SLC2A13: variants seen among roughly 807,000 people sequenced by gnomAD.
SLC2A13 encodes the protein solute carrier family 2 member 13.
Under a neutral mutation model 64.4 loss-of-function variants are expected in SLC2A13, and 32 were observed. The observed-to-expected ratio is 0.50, with a 90% CI of 0.37 to 0.67. The LOEUF (loss-of-function observed/expected upper bound fraction) is 0.67, where lower values mean the gene tolerates loss of function less well. Ranked by LOEUF, SLC2A13 falls within the 30% of genes least tolerant of loss-of-function variation. The pLI, the probability that SLC2A13 is intolerant of heterozygous loss-of-function variation, is 0.00. For synonymous variants in SLC2A13, 338 were observed against 327.1 expected (o/e 1.03, Z -0.36); for missense variants, 743 against 829.2 (o/e 0.90, Z 1.28).
intron 5 of SLC2A13, among the ~76,000 whole-genome samples, chr12:39,869,166 CAACT>C (rs1405240532): frequency 1.3e-5 from 2 of 152,064 alleles, no homozygotes; most frequent in African/African-American, 4.8e-5. Context: ...AATAAAAATA[CAACT>C]AACACAGAAT....
intron 4 of SLC2A13, among the ~76,000 whole-genome samples, chr12:39,943,986 C>G (rs558806631): frequency 6.7e-6 from 1 of 150,124 alleles, no homozygotes; most frequent in Admixed American, 6.6e-5. Flanking sequence ...GCATTTAGGG[C>G]TATGAACTTT....
At chr12:39,960,717 T>C (rs1946393779) in intron 3 of SLC2A13, among the ~76,000 whole-genome samples, 1 of 150,024 alleles carries the variant, frequency 6.7e-6, no homozygotes, top group African/African-American at 2.5e-5. Flanking sequence ...GTTTATTAAA[T>C]GGTGAAAAAT....
intron 7 of SLC2A13, among the ~76,000 whole-genome samples, chr12:39,812,337 TTTTTC>T (rs151097142): frequency 0.31 from 41,780 of 134,870 alleles, 6,820 homozygotes; most frequent in Non-Finnish European, 0.36. Flanking sequence ...ACTAATTTCT[TTTTTC>T]TTTTCTTTTC....
chr12:39,812,379 TTTCTTTCTTTC>T (rs1942197503), intron 7 of SLC2A13, among the ~76,000 whole-genome samples: 1 of 138,204 alleles, frequency 7.2e-6, no homozygotes, highest in Non-Finnish European at 1.6e-5. Flanking sequence ...TTTCTTTTCT[TTTCTTTCTTTC>T]TCTCTCTCTT....
chr12:39,883,134 A>G (rs1944385208), intron 4 of SLC2A13, among the ~76,000 whole-genome samples: 1 of 152,200 alleles, frequency 6.6e-6, no homozygotes, highest in Non-Finnish European at 1.5e-5. Flanking sequence ...AGTATATATC[A>G]TTAAATTTTA....
At chr12:39,877,373 T>C (rs11174097) in intron 4 of SLC2A13, among the ~76,000 whole-genome samples, 44,836 of 151,926 alleles carry the variant, frequency 0.3, 6,736 homozygotes, top group East Asian at 0.36. Flanking sequence ...GACTTACTCC[T>C]TATCACAAGA....
At chr12:39,788,804 T>C (rs4427625) in intron 7 of SLC2A13, 145,013 of 152,226 alleles carry the variant, frequency 0.95, 69,146 homozygotes, top group East Asian at 0.99. Flanking sequence ...AGAAAGTAGC[T>C]CAACAATCGA....
intron 7 of SLC2A13, among the ~76,000 whole-genome samples, chr12:39,816,451 G>A (rs1188184844): frequency 3.6e-5 from 4 of 111,336 alleles, no homozygotes; most frequent in African/African-American, 6.8e-5. Context: ...GAGGGGGGAG[G>A]GATAGCATTA....
chr12:39,832,809 C>G (rs1424669766), intron 6 of SLC2A13, among the ~76,000 whole-genome samples: 2 of 151,922 alleles, frequency 1.3e-5, no homozygotes, highest in Non-Finnish European at 2.9e-5. Context: ...TCCATTATAC[C>G]CATCTGGTAA....
At chr12:39,912,785 CT>C (rs1337498664) in intron 4 of SLC2A13, among the ~76,000 whole-genome samples, 4 of 152,068 alleles carry the variant, frequency 2.6e-5, no homozygotes. Context: ...TCCTCTGCCC[CT>C]CCCTGCTGTG....
intron 1 of SLC2A13, among the ~76,000 whole-genome samples, chr12:40,083,948 C>T (rs935349927): frequency 6.6e-6 from 1 of 152,152 alleles, no homozygotes; most frequent in Non-Finnish European, 1.5e-5. Context: ...AAGACTTACC[C>T]CATTTCGATC....
chr12:40,059,409 T>C (rs1203954902), intron 1 of SLC2A13, among the ~76,000 whole-genome samples: 3 of 152,174 alleles, frequency 2.0e-5, no homozygotes, highest in Non-Finnish European at 2.9e-5. Context: ...TAAACTATTT[T>C]TCCTCTGCTC....
At chr12:39,907,657 T>C (rs1945322664) in intron 4 of SLC2A13, 1 of 152,144 alleles carries the variant, frequency 6.6e-6, no homozygotes, top group South Asian at 2.1e-4. Context: ...TACCCATTAC[T>C]TTGGAAATAG....
chr12:40,060,419 T>C (rs141429800), intron 1 of SLC2A13, among the ~76,000 whole-genome samples: 3 of 152,324 alleles, frequency 2.0e-5, no homozygotes, highest in Non-Finnish European at 4.4e-5. Context: ...ACCTTAAGCT[T>C]GTGTGTTTAT....
intron 4 of SLC2A13, among the ~76,000 whole-genome samples, chr12:39,909,715 T>A (rs1057141028): frequency 2.0e-5 from 3 of 152,120 alleles, no homozygotes; most frequent in African/African-American, 7.2e-5. Context: ...CTGCACAGAA[T>A]AATTTATTTA....
chr12:39,978,594 C>A (rs551834119), intron 3 of SLC2A13, among the ~76,000 whole-genome samples: 27 of 152,134 alleles, frequency 1.8e-4, no homozygotes, highest in Admixed American at 1.8e-3. Context: ...CACTCCCACC[C>A]GAATATGGCG....
intron 7 of SLC2A13, among the ~76,000 whole-genome samples, chr12:39,776,438 C>A (rs927902416): frequency 6.6e-6 from 1 of 152,176 alleles, no homozygotes; most frequent in African/African-American, 2.4e-5. Context: ...CCCTAGGAAG[C>A]GGCTTGGCAA....
At chr12:39,797,118 G>A (rs926705641) in intron 7 of SLC2A13, among the ~76,000 whole-genome samples, 1 of 152,170 alleles carries the variant, frequency 6.6e-6, no homozygotes, top group African/African-American at 2.4e-5. Flanking sequence ...ACTGGTTAAT[G>A]AAAACTATTC....
intron 3 of SLC2A13, among the ~76,000 whole-genome samples, chr12:40,008,094 G>T (rs1424055257): frequency 6.6e-6 from 1 of 151,932 alleles, no homozygotes; most frequent in Admixed American, 6.6e-5. Flanking sequence ...AACATTTAAG[G>T]ATTTTTTTTA....
Sources: gnomAD v4.1 joint callset for allele counts (sites outside exome capture counted in the v4.1 genomes callset) on GRCh38, gnomAD v4.1.1 for gene constraint, MANE v1.5 for transcripts, NCBI Gene and HGNC (gene_info 2026-07-23, HGNC 2026-07-21) for gene names.